Variants in DST observed in about 807,000 individuals in gnomAD.
DST encodes dystonin.
Under a neutral mutation model 875.2 loss-of-function variants are expected in DST, and 253 were observed. That is an observed-to-expected ratio of 0.29 (90% CI 0.26 to 0.32). The LOEUF is 0.32. DST is among the 10% of genes least tolerant of loss of function. The pLI is 1.00. For missense variants in DST, 8,287 were observed against 9,111.6 expected (o/e 0.91, Z 3.68); for synonymous variants, 3,124 against 3,197.1 (o/e 0.98, Z 0.77).
At chr6:56,463,015 G>T in intron 102 of DST, 31 bp downstream of exon 102, 2 of 1,306,060 alleles carry the variant, frequency 1.5e-6, no homozygotes, top group Non-Finnish European at 2.2e-6. Context: ...AAAGGAGAAT[G>T]TTAAGACTGG....
intron 61 of DST, among the ~76,000 whole-genome samples, chr6:56,538,288 A>G (rs1238333526): frequency 1.3e-5 from 2 of 152,156 alleles, no homozygotes; most frequent in Non-Finnish European, 2.9e-5. Context: ...ACTCTTTCAT[A>G]GATAATATGT....
intron 90 of DST, 59 bp from the exon 91 acceptor site, chr6:56,477,547 G>C: frequency 6.2e-7 from 1 of 1,600,876 alleles, no homozygotes; most frequent in Non-Finnish European, 8.5e-7. Flanking sequence ...CAAAACTCTG[G>C]TGGCATTTGT....
intron 10 of DST, among the ~76,000 whole-genome samples, chr6:56,652,341 T>C (rs2098980816): frequency 1.3e-5 from 2 of 152,172 alleles, no homozygotes; most frequent in South Asian, 4.1e-4. Flanking sequence ...ATTGAAAGAC[T>C]ACCGGAACAA....
intron 45 of DST, among the ~76,000 whole-genome samples, chr6:56,599,212 G>GAC (rs1293701445): frequency 1.3e-5 from 2 of 152,010 alleles, no homozygotes. Context: ...GGTACCTCAA[G>GAC]ATTAAGATCT....
Position 56,598,336 on chromosome 6 carries a change from A to G in DST, c.11928+140T>C, listed in dbSNP as rs1017369489. The G allele has an allele frequency of 1.4e-4, 79 of 573,460 alleles. No homozygotes were observed. In the Admixed American group the frequency reaches 2.8e-3, roughly 21 times the overall value. The allele number at this position is 573,460 out of a possible 1,614,324, so 35.5% of individuals were successfully genotyped here. On this transcript the variant is annotated intron_variant, in intron 46 of 103. Transcript: ENST00000680361. ...TCAAACCTTTTGTAGTACTTGGTCA[A>G]TTATGTACCTGGAAACCCAGAATCC... is the stretch of plus-strand genomic sequence containing the variant.
chr6:56,750,477 GCTT>G (rs775742036), intron 4 of DST, among the ~76,000 whole-genome samples: 3 of 152,044 alleles, frequency 2.0e-5, no homozygotes, highest in Non-Finnish European at 4.4e-5. Context: ...AATAATATAC[GCTT>G]CTTTATTGCC....
At chr6:56,618,311 C>A (rs886751700) in intron 36 of DST, 1 of 1,614,018 alleles carries the variant, frequency 6.2e-7, no homozygotes, top group African/African-American at 1.3e-5. Context: ...CAGAGGGGAT[C>A]TGGGTGTTGG....
intron 32 of DST, among the ~76,000 whole-genome samples, chr6:56,628,398 T>C (rs1264554188): frequency 6.6e-6 from 1 of 152,206 alleles, no homozygotes; most frequent in East Asian, 1.9e-4. Context: ...GTGATTATTC[T>C]AGGGACAAGC....
intron 4 of DST, among the ~76,000 whole-genome samples, chr6:56,748,623 C>T (rs1277791273): frequency 6.6e-6 from 1 of 152,202 alleles, no homozygotes; most frequent in Non-Finnish European, 1.5e-5. Flanking sequence ...AATCACAACA[C>T]TATACACTAC....
At chr6:56,641,922 G>C in intron 17 of DST, 25 bp downstream of exon 17, 1 of 1,564,894 alleles carries the variant, frequency 6.4e-7, no homozygotes, top group Non-Finnish European at 8.7e-7. Flanking sequence ...AAAAAGGACA[G>C]AGAAAGAATA....
At chr6:56,814,464 A>G (rs2099764268) in intron 4 of DST, among the ~76,000 whole-genome samples, 1 of 152,168 alleles carries the variant, frequency 6.6e-6, no homozygotes, top group Non-Finnish European at 1.5e-5. Flanking sequence ...CTGGTGACAG[A>G]AATAGCACCT....
At chr6:56,934,560 T>TTTTATATATATATATATATATATACATA (rs869186436) in intron 2 of DST, among the ~76,000 whole-genome samples, 1 of 106,486 alleles carries the variant, frequency 9.4e-6, no homozygotes, top group Non-Finnish European at 1.9e-5. Context: ...ATATATTATA[T>TTTTATATATATATATATATATATACATA]TATATATATA....
intron 4 of DST, among the ~76,000 whole-genome samples, chr6:56,812,297 T>C (rs1037037692): frequency 2.0e-5 from 3 of 152,010 alleles, no homozygotes; most frequent in African/African-American, 7.2e-5. Flanking sequence ...ATCACTCCCT[T>C]AAAAATAAAC....
At chr6:56,676,642 G>A (rs1291165854) in intron 9 of DST, among the ~76,000 whole-genome samples, 1 of 147,802 alleles carries the variant, frequency 6.8e-6, no homozygotes, top group East Asian at 2.0e-4. Context: ...ATCAACTGAA[G>A]AATGAATTTT....
In DST at chr6:56,527,532, C is replaced by A; in HGVS notation, c.17883G>T (p.Leu5961=). ...VELLSYETQV[L]KGEEASQAQM... The stretch of plus-strand genomic sequence containing the variant: ...GTGCTTGACTTGCTTCTTCTCCTTT[C>A]AGAACCTGAGTTTCATATGAAAGTA... The change falls in exon 68 of 104, where the codon CTG becomes CTT. Residue 5961 remains leucine (L), a synonymous_variant. Coordinates refer to ENST00000680361, the MANE Select transcript of DST (RefSeq NM_001374736.1). 1 of 1,613,688 alleles carries A rather than the reference C, an allele frequency of 6.2e-7. No individual in the cohort carries two copies. Among genetic ancestry groups the A allele is most frequent in the Non-Finnish European group, 8.5e-7 (1 of 1,179,772 alleles).
chr6:56,636,510 C>T (rs1215749701), intron 23 of DST, 47 bp downstream of exon 23: 1 of 1,511,286 alleles, frequency 6.6e-7, no homozygotes, highest in South Asian at 1.1e-5. Context: ...TGCAAGTTAG[C>T]CAAAATCACA....
chr6:56,499,209 T>C (rs139433118), intron 80 of DST, among the ~76,000 whole-genome samples: 1 of 152,250 alleles, frequency 6.6e-6, no homozygotes, highest in Non-Finnish European at 1.5e-5. Flanking sequence ...TCCCATCCTA[T>C]GTAACACATC....
intron 5 of DST, among the ~76,000 whole-genome samples, chr6:56,707,460 C>G (rs2099345501): frequency 6.6e-6 from 1 of 152,198 alleles, no homozygotes; most frequent in African/African-American, 2.4e-5. Flanking sequence ...TGCTTTGTCT[C>G]TCAAAATAAA....
intron 15 of DST, among the ~76,000 whole-genome samples, chr6:56,644,444 T>C (rs111879859): frequency 1.3e-5 from 2 of 151,136 alleles, no homozygotes; most frequent in East Asian, 3.8e-4. Context: ...ACAGAGAACA[T>C]GACAATACTG....
Sources: gnomAD v4.1 joint callset for allele counts (sites outside exome capture counted in the v4.1 genomes callset) on GRCh38, gnomAD v4.1.1 for gene constraint, MANE v1.5 for transcripts, NCBI Gene and HGNC (gene_info 2026-07-23, HGNC 2026-07-21) for gene names.